ZNF654: variants seen among roughly 807,000 people sequenced by gnomAD.
ZNF654 encodes the protein zinc finger protein 654, also known as melanoma-associated antigen.
A neutral mutation model predicts 95.3 loss-of-function variants in ZNF654; 19 were observed. That is an observed-to-expected ratio of 0.20 (90% CI 0.14 to 0.29). The LOEUF is 0.29. Among genes scored for constraint, ZNF654 ranks in the 10% least tolerant of loss-of-function variants. ZNF654 has a pLI of 1.00. For missense variants in ZNF654, 1,046 were observed against 1,341.0 expected (o/e 0.78, Z 3.44); for synonymous variants, 413 against 457.9 (o/e 0.90, Z 1.25).
chr3:88,097,766 G>A (rs1261501946), intron 2 of ZNF654, among the ~76,000 whole-genome samples: 3 of 152,156 alleles, frequency 2.0e-5, no homozygotes, highest in Middle Eastern at 3.2e-3. Flanking sequence ...CAGAAATAAA[G>A]ATGTTCTTTG....
intron 1 of ZNF654, among the ~76,000 whole-genome samples, chr3:88,065,273 C>CTT (rs144267408): frequency 1.3e-5 from 2 of 149,074 alleles, no homozygotes; most frequent in South Asian, 2.1e-4. Context: ...GAGCTAAATC[C>CTT]TTTTTTTTTT....
chr3:88,085,508 G>A (rs756206898), intron 1 of ZNF654, among the ~76,000 whole-genome samples: 2 of 152,250 alleles, frequency 1.3e-5, no homozygotes, highest in Admixed American at 1.3e-4. Context: ...AATCAGGCAG[G>A]CAGGCAGTAG....
chr3:88,088,081 A>G (rs1708430614), intron 2 of ZNF654, among the ~76,000 whole-genome samples: 1 of 152,236 alleles, frequency 6.6e-6, no homozygotes, highest in South Asian at 2.1e-4. Flanking sequence ...CACTCAACCT[A>G]TACTACTTTT....
intron 3 of ZNF654, among the ~76,000 whole-genome samples, chr3:88,121,201 A>G (rs1360524980): frequency 1.3e-5 from 2 of 152,180 alleles, no homozygotes; most frequent in Admixed American, 1.3e-4. Context: ...TGAATTATGC[A>G]AAATTTGACT....
chr3:88,083,941 T>TATATATATATATATA (rs1708208971), intron 1 of ZNF654, among the ~76,000 whole-genome samples: 6 of 147,804 alleles, frequency 4.1e-5, no homozygotes, highest in Non-Finnish European at 6.0e-5. Flanking sequence ...TGTACTTATT[T>TATATATATATATATA]TATATATATA....
At chr3:88,116,318 C>T (rs1037993443) in intron 3 of ZNF654, among the ~76,000 whole-genome samples, 2 of 152,034 alleles carry the variant, frequency 1.3e-5, no homozygotes, top group African/African-American at 2.4e-5. Flanking sequence ...GGTGGGAACT[C>T]GAGACCAGCC....
chr3:88,115,557 A>G (rs1236575284), intron 3 of ZNF654, among the ~76,000 whole-genome samples: 1 of 152,136 alleles, frequency 6.6e-6, no homozygotes, highest in African/African-American at 2.4e-5. Flanking sequence ...TATTTTTACA[A>G]TAATACCAAA....
In ZNF654 at chr3:88,140,103, C is replaced by T. The variant is rs1396366237; in HGVS notation, c.2434C>T (p.Pro812Ser). The T allele has an allele frequency of 1.2e-6, 2 of 1,613,738 alleles. No homozygotes were observed. Among genetic ancestry groups the T allele is most frequent in the Non-Finnish European group, 1.7e-6 (2 of 1,179,814 alleles). ...AGACCACCTTAATAGACATAGCTAT[C>T]CAAATGTGTATTTTTGTTTGCATTT... ...FIDHLNRHSY[P>S]NVYFCLHFNC... is the part of the protein sequence containing the mutation. Residue 812 changes from proline to serine, a missense_variant, in exon 8 of 9, where the codon CCA (proline) becomes TCA (serine). Physicochemically the swap from Pro to Ser is moderately conservative, Grantham distance 74. This residue lies in a region of ZNF654 where 495 missense variants were observed against 537.0 expected (regional missense o/e 0.92). Transcript: ENST00000636215.
intron 3 of ZNF654, among the ~76,000 whole-genome samples, chr3:88,117,093 C>T (rs777281410): frequency 7.2e-5 from 11 of 152,070 alleles, no homozygotes; most frequent in Non-Finnish European, 1.2e-4. Flanking sequence ...CCCGAAAGAA[C>T]ATACAGAGGT....
At chr3:88,095,966 TC>T in intron 2 of ZNF654, 1 of 319,496 alleles carries the variant, frequency 3.1e-6, no homozygotes, top group Non-Finnish European at 5.8e-6. Flanking sequence ...TGGTTTTCTT[TC>T]CCGTGTTGCA....
chr3:88,136,158 C>T (rs1429820721), intron 7 of ZNF654, among the ~76,000 whole-genome samples: 1 of 152,030 alleles, frequency 6.6e-6, no homozygotes, highest in African/African-American at 2.4e-5. Flanking sequence ...ATCAGAATCA[C>T]CTGTAAAACT....
chr3:88,127,446 T>TAA (rs71131550), intron 4 of ZNF654, among the ~76,000 whole-genome samples: 77 of 147,538 alleles, frequency 5.2e-4, no homozygotes, highest in Middle Eastern at 3.4e-3. Flanking sequence ...GAAAGGGAGT[T>TAA]AAAAAAAAAA....
At chr3:88,074,711 C>A (rs1265805577) in intron 1 of ZNF654, among the ~76,000 whole-genome samples, 2 of 152,106 alleles carry the variant, frequency 1.3e-5, no homozygotes, top group East Asian at 3.9e-4. Context: ...AACCCAATAC[C>A]CATTAAATTT....
intron 1 of ZNF654, among the ~76,000 whole-genome samples, chr3:88,062,600 A>T (rs1706947793): frequency 6.6e-6 from 1 of 152,186 alleles, no homozygotes; most frequent in Non-Finnish European, 1.5e-5. Flanking sequence ...AATACACTGA[A>T]TTTTTTGTCA....
intron 3 of ZNF654, among the ~76,000 whole-genome samples, chr3:88,113,602 T>C (rs1027967718): frequency 4.6e-5 from 7 of 152,086 alleles, no homozygotes; most frequent in African/African-American, 1.7e-4. Context: ...TTTTTTTTTA[T>C]TTTTGGGCAC....
At chr3:88,068,307 AC>A (rs1163198994) in intron 1 of ZNF654, among the ~76,000 whole-genome samples, 3 of 152,076 alleles carry the variant, frequency 2.0e-5, no homozygotes, top group Admixed American at 1.3e-4. Context: ...TAACTTTGAG[AC>A]AGAAAGGGAC....
In ZNF654 at chr3:88,135,429, C is replaced by G. The variant is rs1392700075; in HGVS notation, c.1035+227C>G. 3 of 324,236 alleles carry G rather than the reference C, an allele frequency of 9.3e-6. No individual in the cohort carries two copies. In the East Asian group the frequency reaches 1.4e-4, roughly 15 times the overall value. 20.1% of individuals were successfully genotyped at this position (324,236 alleles called of 1,614,324 possible). A position where few individuals can be genotyped will look rare whatever the true frequency, so the allele number is the denominator to read the frequency against. Reference sequence around the variant, plus strand: ...AACATGGAAGCAATTGCTTCCATTACAACCTTTTTTCTTATAATTAAATAT... The same window carrying G: ...AACATGGAAGCAATTGCTTCCATTAGAACCTTTTTTCTTATAATTAAATAT... On this transcript the variant is annotated intron_variant, in intron 7 of 8. Transcript: ENST00000636215.
At chr3:88,109,057 T>C (rs1704919808) in intron 2 of ZNF654, among the ~76,000 whole-genome samples, 2 of 151,644 alleles carry the variant, frequency 1.3e-5, no homozygotes, top group Non-Finnish European at 2.9e-5. Context: ...TTGATGAAAA[T>C]TGGGTTAGGT....
chr3:88,135,222 C>A lies in ZNF654; in HGVS notation c.1035+20C>A. The A allele has an allele frequency of 1.4e-6, 2 of 1,410,414 alleles. No individual in the cohort carries two copies. The highest frequency in any genetic ancestry group is 9.2e-7 in the Non-Finnish European group (1 of 1,086,252). The allele number at this position is 1,410,414 out of a possible 1,614,324, so 87.4% of individuals were successfully genotyped here. A position where few individuals can be genotyped will look rare whatever the true frequency, so the allele number is the denominator to read the frequency against. On this transcript the variant is annotated intron_variant, in intron 7 of 8. Transcript: ENST00000636215. ...GATGAGGTAAATAGGATATATTTGT[C>A]CCTTAAATTTAAAATTGAGTGACAG...
Sources: allele counts gnomAD v4.1 joint callset (sites outside exome capture counted in the v4.1 genomes callset), GRCh38; gene constraint gnomAD v4.1.1; regional missense constraint gnomAD v4.1.1; transcripts MANE v1.5; gene names NCBI Gene and HGNC (gene_info 2026-07-23, HGNC 2026-07-21).